The following ARMH4 variants were observed in gnomAD, a reference collection of about 807,000 sequenced individuals.
The protein encoded by ARMH4 is armadillo-like helical domain-containing protein 4.
Under a neutral mutation model 61.9 loss-of-function variants are expected in ARMH4, and 49 were observed. The ratio of observed to expected loss-of-function variants is 0.79; its 90% CI spans 0.63 to 1.00. ARMH4 has a LOEUF of 1.00. Ranked by LOEUF, ARMH4 falls within the 50% of genes least tolerant of loss-of-function variation. The pLI is 0.00. For missense variants in ARMH4, 934 were observed against 930.0 expected (o/e 1.00, Z -0.06); for synonymous variants, 368 against 341.5 (o/e 1.08, Z -0.85).
At chr14:58,081,724 TCTCAATCTCCTGAC>T (rs370284769) in intron 5 of ARMH4, among the ~76,000 whole-genome samples, 180 of 152,038 alleles carry the variant, frequency 1.2e-3, no homozygotes, top group African/African-American at 3.5e-3. Context: ...GCCAGGATGG[TCTCAATCTCCTGAC>T]CTCATGATCC....
In ARMH4 at chr14:58,015,281, T is replaced by C. The variant is rs149065286; in HGVS notation, c.2090-3131A>G. Among the ~76,000 whole-genome samples, 177 of 152,306 alleles carry C rather than the reference T, an allele frequency of 1.2e-3. 1 individual carries two copies. Among genetic ancestry groups the C allele is most frequent in the Non-Finnish European group, 2.2e-3 (149 of 68,020 alleles). Reference sequence around the variant, plus strand: ...AGATATCTGAAGGAGCATGTTCCATTGATCTAGTTCAGTAATTCATAACAC... The same window carrying C: ...AGATATCTGAAGGAGCATGTTCCATCGATCTAGTTCAGTAATTCATAACAC... On this transcript the variant is annotated intron_variant, in intron 5 of 7. Transcript: ENST00000267485.
intron 4 of ARMH4, among the ~76,000 whole-genome samples, chr14:58,118,323 G>A (rs965923483): frequency 6.6e-6 from 1 of 152,132 alleles, no homozygotes; most frequent in African/African-American, 2.4e-5. Context: ...TCTCTGAAGG[G>A]TGGCATGTAC....
Position 58,143,958 on chromosome 14 carries a change from T to C in ARMH4, c.-56-4544A>G, listed in dbSNP as rs1362889977. Among the ~76,000 whole-genome samples the C allele has an allele frequency of 2.6e-5, 4 of 151,396 alleles. No homozygotes were observed. The East Asian group carries it at 5.9e-4, about 22-fold the overall frequency. On this transcript the variant is annotated intron_variant, in intron 1 of 7. Transcript: ENST00000267485. The stretch of plus-strand genomic sequence containing the variant: ...CCAGCTAATTTTTGTATTTTTAGTA[T>C]GGACAGGGTTTAACCATGTTGGCCA...
At chr14:58,073,640 A>T (rs1296193637) in intron 5 of ARMH4, among the ~76,000 whole-genome samples, 3 of 152,254 alleles carry the variant, frequency 2.0e-5, no homozygotes, top group Non-Finnish European at 4.4e-5. Context: ...ACTTTTAGAC[A>T]GACTTTTTTG....
At chr14:58,014,211 AG>A (rs1882516392) in intron 5 of ARMH4, among the ~76,000 whole-genome samples, 1 of 152,140 alleles carries the variant, frequency 6.6e-6, no homozygotes, top group African/African-American at 2.4e-5. Context: ...TCTCATGCAG[AG>A]CCCTTGTCAA....
chr14:58,011,904 T>C (rs777764197), intron 6 of ARMH4, among the ~76,000 whole-genome samples: 2 of 152,180 alleles, frequency 1.3e-5, no homozygotes, highest in Admixed American at 6.5e-5. Context: ...TAAGAGTGAA[T>C]GGTGCTCCAA....
rs1309642251 is a variant in ARMH4 at position 58,131,525 on chromosome 14, T to A, written c.1818A>T (p.Gln606His). Residue 606 changes from glutamine (Q) to histidine (H), a missense_variant, in exon 4 of 8, where the codon CAA (glutamine) becomes CAT (histidine). Gln to His is a conservative substitution (Grantham distance 24). Coordinates refer to ENST00000267485, the MANE Select transcript of ARMH4 (RefSeq NM_001001872.4). The stretch of plus-strand genomic sequence containing the variant: ...AAGCATGAATACCTTCAGATTCAAG[T>A]TGGTCCAGGCCATATGAGGCAGCTG... ...VNTAASYGLD[Q>H]LESEEGQEDE... 6.2e-7 allele frequency: 1 copy of A among 1,613,734 alleles called. No homozygotes were observed. Among genetic ancestry groups the A allele is most frequent in the Admixed American group, 1.7e-5 (1 of 60,004 alleles).
At chr14:58,118,273 T>C (rs999405358) in intron 4 of ARMH4, among the ~76,000 whole-genome samples, 3 of 152,216 alleles carry the variant, frequency 2.0e-5, no homozygotes, top group Non-Finnish European at 4.4e-5. Context: ...AGTGCTATAC[T>C]GCCTGGAAAT....
chr14:58,087,943 T>C (rs995735576), intron 5 of ARMH4, among the ~76,000 whole-genome samples: 9 of 152,220 alleles, frequency 5.9e-5, no homozygotes, highest in African/African-American at 1.9e-4. Context: ...CCTGCTTTTC[T>C]TTAGGCTTGG....
At chr14:58,010,566 G>C (rs1882371426) in intron 6 of ARMH4, among the ~76,000 whole-genome samples, 1 of 151,950 alleles carries the variant, frequency 6.6e-6, no homozygotes, top group African/African-American at 2.4e-5. Flanking sequence ...GGAAGAAAGT[G>C]ATGAGAAAGC....
At chr14:58,126,219 T>C (rs1440144603) in intron 4 of ARMH4, among the ~76,000 whole-genome samples, 2 of 152,204 alleles carry the variant, frequency 1.3e-5, no homozygotes, top group Non-Finnish European at 2.9e-5. Flanking sequence ...TTTTTTCTGA[T>C]TGATGATAAA....
intron 4 of ARMH4, among the ~76,000 whole-genome samples, chr14:58,099,137 T>C (rs1885864699): frequency 6.6e-6 from 1 of 152,210 alleles, no homozygotes; most frequent in South Asian, 2.1e-4. Context: ...ACAGTAACTG[T>C]GTGATGGCCT....
chr14:58,068,921 C>T (rs1884791141), intron 5 of ARMH4, among the ~76,000 whole-genome samples: 1 of 151,060 alleles, frequency 6.6e-6, no homozygotes, highest in Admixed American at 6.6e-5. Flanking sequence ...GCATGAGAAT[C>T]ACTTGAACCC....
chr14:58,042,313 C>T (rs1883751291), intron 5 of ARMH4, among the ~76,000 whole-genome samples: 1 of 152,228 alleles, frequency 6.6e-6, no homozygotes, highest in Non-Finnish European at 1.5e-5. Flanking sequence ...AACTGCTCAA[C>T]TACATGGAAA....
At chr14:58,112,589 C>T (rs1317508125) in intron 4 of ARMH4, among the ~76,000 whole-genome samples, 1 of 152,158 alleles carries the variant, frequency 6.6e-6, no homozygotes, top group Non-Finnish European at 1.5e-5. Flanking sequence ...GATTTATGTA[C>T]ATATTTACCA....
At chr14:58,017,198 C>T (rs888637863) in intron 5 of ARMH4, among the ~76,000 whole-genome samples, 3 of 152,120 alleles carry the variant, frequency 2.0e-5, no homozygotes, top group Non-Finnish European at 4.4e-5. Flanking sequence ...CCTGTAGTCT[C>T]AGCTACTCGG....
At position 58,138,684 on chromosome 14, in the gene ARMH4, A is replaced by C; in HGVS notation, c.675T>G (p.Phe225Leu). ...TTGTCCTGTGGTCTGTGTCTGCTTCAAATTTCTCAGTCTTTGGATTGGTGG... is the reference window on the plus strand; with the variant it reads ...TTGTCCTGTGGTCTGTGTCTGCTTCCAATTTCTCAGTCTTTGGATTGGTGG... Reference protein sequence around the residue: ...MLTTNPKTEKFEADTDHRTTS... With the variant: ...MLTTNPKTEKLEADTDHRTTS... The change falls in exon 2 of 8, where the codon TTT (phenylalanine) becomes TTG (leucine). Residue 225 changes from phenylalanine to leucine, a missense_variant. Phe to Leu is a conservative substitution (Grantham distance 22). Transcript: ENST00000267485. 1 of 1,614,136 alleles carries C rather than the reference A, an allele frequency of 6.2e-7. No individual in the cohort carries two copies. Among genetic ancestry groups the C allele is most frequent in the African/African-American group, 1.3e-5 (1 of 75,066 alleles).
chr14:58,055,507 G>A (rs1884319497), intron 5 of ARMH4, among the ~76,000 whole-genome samples: 1 of 152,124 alleles, frequency 6.6e-6, no homozygotes, highest in African/African-American at 2.4e-5. Context: ...TGTAATATGA[G>A]GCAACATAAT....
At chr14:58,049,837 T>TGACACA (rs1006653318) in intron 5 of ARMH4, among the ~76,000 whole-genome samples, 2 of 152,224 alleles carry the variant, frequency 1.3e-5, no homozygotes, top group Non-Finnish European at 2.9e-5. Context: ...CATGATGGTG[T>TGACACA]GACACAGTAA....
Sources: gnomAD v4.1 joint callset for allele counts (sites outside exome capture counted in the v4.1 genomes callset) on GRCh38, gnomAD v4.1.1 for gene constraint, MANE v1.5 for transcripts, NCBI Gene and HGNC (gene_info 2026-07-23, HGNC 2026-07-21) for gene names.